RILPL1: variants seen among roughly 807,000 people sequenced by gnomAD.
The protein encoded by RILPL1 is RILP-like protein 1.
In RILPL1, 33 loss-of-function variants were observed where a neutral mutation model predicts 50.3. The observed-to-expected ratio is 0.66, with a 90% confidence interval of 0.50 to 0.88. The LOEUF is 0.88. RILPL1 is among the 40% of genes least tolerant of loss of function. The pLI, the probability that RILPL1 is intolerant of heterozygous loss-of-function variation, is 0.00. For synonymous variants in RILPL1, 205 were observed against 228.6 expected (o/e 0.90, Z 0.93); for missense variants, 418 against 542.5 (o/e 0.77, Z 2.28).
chr12:123,484,650 C>CT (rs61080090), intron 5 of RILPL1, among the ~76,000 whole-genome samples: 3,074 of 110,120 alleles, frequency 0.028, 80 homozygotes, highest in Admixed American at 0.044. Flanking sequence ...ACTCTCCCAT[C>CT]TTTTTTTTTT....
intron 4 of RILPL1, among the ~76,000 whole-genome samples, chr12:123,493,625 C>T (rs1882837176): frequency 6.6e-6 from 1 of 152,146 alleles, no homozygotes; most frequent in Non-Finnish European, 1.5e-5. Context: ...CTCATGTCCT[C>T]CAAATCCTGC....
intron 1 of RILPL1, among the ~76,000 whole-genome samples, chr12:123,531,709 C>T (rs953350176): frequency 2.6e-5 from 4 of 152,190 alleles, no homozygotes; most frequent in African/African-American, 9.7e-5. Context: ...ACTCTTTAAA[C>T]CTCATCACAT....
At chr12:123,478,629 C>T (rs1380811976) in intron 6 of RILPL1, among the ~76,000 whole-genome samples, 1 of 152,070 alleles carries the variant, frequency 6.6e-6, no homozygotes, top group African/African-American at 2.4e-5. Flanking sequence ...CATTGCTACC[C>T]CTGGACACCT....
rs540174668 is a variant in RILPL1 at position 123,480,327 on chromosome 12, A to AT, written c.1067+3852dup. ...AGGTGCCCACCACCACACCTGGCTA[A>AT]TTTTTTTGTATTTTTAGTAGAGATG... On this transcript the variant is annotated intron_variant, in intron 6 of 6. Transcript: ENST00000376874. Among the ~76,000 whole-genome samples the AT allele has an allele frequency of 8.4e-3, 1,273 of 151,552 alleles. 13 individuals are homozygous for AT. Among genetic ancestry groups the AT allele is most frequent in the Non-Finnish European group, 0.015 (1,004 of 67,842 alleles).
chr12:123,478,234 C>A (rs1347986919), intron 6 of RILPL1, among the ~76,000 whole-genome samples: 1 of 151,802 alleles, frequency 6.6e-6, no homozygotes, highest in African/African-American at 2.4e-5. Flanking sequence ...CTCCTGGCCT[C>A]AAGCGATCCC....
chr12:123,479,087 C>A (rs534820183), intron 6 of RILPL1, among the ~76,000 whole-genome samples: 2 of 151,892 alleles, frequency 1.3e-5, no homozygotes, highest in East Asian at 3.9e-4. Flanking sequence ...ACCAGAGACT[C>A]GGGGAGGGGA....
intron 2 of RILPL1, among the ~76,000 whole-genome samples, chr12:123,512,548 GGT>G (rs1445704416): frequency 3.6e-4 from 48 of 135,054 alleles, no homozygotes; most frequent in Non-Finnish European, 6.9e-4. Context: ...GTCTGTGTGT[GGT>G]GTGTGTGTGA....
At chr12:123,529,345 G>A (rs1885370178) in intron 1 of RILPL1, among the ~76,000 whole-genome samples, 1 of 152,094 alleles carries the variant, frequency 6.6e-6, no homozygotes, top group Non-Finnish European at 1.5e-5. Flanking sequence ...AGGCTGGAGT[G>A]CAGTGATATG....
Position 123,472,519 on chromosome 12 carries a change from G to C in RILPL1, c.*19C>G, listed in dbSNP as rs763337872. 9.7e-6 allele frequency: 15 copies of C among 1,550,332 alleles called. No homozygotes were observed. Among genetic ancestry groups the C allele is most frequent in the South Asian group, 3.6e-5 (3 of 83,976 alleles). On this transcript the variant is annotated 3_prime_UTR_variant, in exon 7 of 7. Transcript: ENST00000376874. ...CTGGTGGCGGGCAGTCCAGGTTGGA[G>C]GGTGGAGATGGGCCAAGGTCACAGA...
chr12:123,495,649 C>T (rs1882980032), intron 4 of RILPL1, among the ~76,000 whole-genome samples: 1 of 143,016 alleles, frequency 7.0e-6, no homozygotes, highest in Non-Finnish European at 1.5e-5. Context: ...GCTGGGATTA[C>T]AGGCGTGAGC....
intron 2 of RILPL1, among the ~76,000 whole-genome samples, chr12:123,511,537 A>G (rs1400271910): frequency 9.9e-5 from 7 of 71,006 alleles, no homozygotes; most frequent in Non-Finnish European, 1.3e-4. Context: ...GGTGTGTGTG[A>G]GGTCTGTGTG....
chr12:123,529,426 G>A lies in RILPL1; in HGVS notation c.309+3748C>T, dbSNP rs924265370. On this transcript the variant is annotated intron_variant, in intron 1 of 6. Transcript: ENST00000376874. ...CCTGCCTCTGCCTCCTGAGGCGTGC[G>A]CCACCACACCCAGCTAATTTTTGTA... Among the ~76,000 whole-genome samples the A allele has an allele frequency of 4.9e-4, 74 of 152,012 alleles. 2 individuals carry two copies. Among genetic ancestry groups the A allele is most frequent in the Non-Finnish European group, 2.9e-5 (2 of 68,010 alleles).
chr12:123,478,475 C>T (rs1447444206), intron 6 of RILPL1, among the ~76,000 whole-genome samples: 5 of 151,996 alleles, frequency 3.3e-5, no homozygotes. Context: ...TCCCCGCTCC[C>T]CGCCAAATAT....
intron 6 of RILPL1, chr12:123,475,630 TCAAA>T: frequency 6.9e-7 from 1 of 1,448,524 alleles, no homozygotes; most frequent in Non-Finnish European, 9.5e-7. Flanking sequence ...AGGGGGCAGC[TCAAA>T]CAAAACCCAA....
At chr12:123,518,088 T>C (rs1216813657) in intron 2 of RILPL1, among the ~76,000 whole-genome samples, 1 of 151,918 alleles carries the variant, frequency 6.6e-6, no homozygotes, top group East Asian at 1.9e-4. Context: ...GGGTGGGAAA[T>C]TAGTGTTTAA....
intron 2 of RILPL1, among the ~76,000 whole-genome samples, chr12:123,512,352 ATGTG>A (rs764177999): frequency 1.4e-3 from 105 of 72,530 alleles, no homozygotes; most frequent in Middle Eastern, 0.021. Context: ...TGAGGTCTGT[ATGTG>A]TGTGTGTGTG....
At chr12:123,511,130 A>ATC (rs1566135236) in intron 2 of RILPL1, among the ~76,000 whole-genome samples, 2 of 35,938 alleles carry the variant, frequency 5.6e-5, no homozygotes, top group East Asian at 1.0e-3. Flanking sequence ...TGTGAGGTCT[A>ATC]TGTGTGTGTG....
intron 4 of RILPL1, among the ~76,000 whole-genome samples, chr12:123,488,660 T>C (rs1882503051): frequency 6.6e-6 from 1 of 151,900 alleles, no homozygotes; most frequent in South Asian, 2.1e-4. Context: ...GCACGTCAGG[T>C]GACAGCAGAG....
chr12:123,472,762 T>C (rs1881282331), intron 6 of RILPL1, 80 bp from the exon 7 acceptor site: 1 of 1,467,556 alleles, frequency 6.8e-7, no homozygotes, highest in Non-Finnish European at 9.3e-7. Context: ...GCCGGAGACA[T>C]ATAGCAGCAA....
Sources: allele counts gnomAD v4.1 joint callset (sites outside exome capture counted in the v4.1 genomes callset), GRCh38; gene constraint gnomAD v4.1.1; transcripts MANE v1.5; gene names NCBI Gene and HGNC (gene_info 2026-07-23, HGNC 2026-07-21).